Variants in PTPRT observed in about 807,000 individuals in gnomAD.
The protein encoded by PTPRT is receptor-type tyrosine-protein phosphatase T.
In PTPRT, 56 loss-of-function variants were observed where a neutral mutation model predicts 176.8. The ratio of observed to expected loss-of-function variants is 0.32; its 90% confidence interval spans 0.26 to 0.40. The LOEUF (loss-of-function observed/expected upper bound fraction) is 0.40, where lower values mean the gene tolerates loss of function less well. Among genes scored for constraint, PTPRT ranks in the 10% least tolerant of loss-of-function variants. PTPRT has a pLI of 1.00. For synonymous variants in PTPRT, 783 were observed against 739.0 expected (o/e 1.06, Z -0.96); for missense variants, 1,540 against 1,908.2 (o/e 0.81, Z 3.60).
At position 42,581,189 on chromosome 20, in the gene PTPRT, G is replaced by A. The variant is rs138947893; in HGVS notation, c.1153+96677C>T. Among the ~76,000 whole-genome samples the A allele has an allele frequency of 2.3e-3, 347 of 152,080 alleles. 2 individuals are homozygous for A. The highest frequency in any genetic ancestry group is 0.017 in the Middle Eastern group (5 of 294). On this transcript the variant is annotated intron_variant, in intron 7 of 30. Coordinates refer to ENST00000373187, the MANE Select transcript of PTPRT (RefSeq NM_007050.6). ...TCTTCCTCCACCCTTCATGATCCAC[G>A]CGACTAAATCTCTCTCATCTCTTTC...
At chr20:42,953,484 T>C (rs530214728) in intron 1 of PTPRT, among the ~76,000 whole-genome samples, 3 of 152,344 alleles carry the variant, frequency 2.0e-5, no homozygotes, top group Admixed American at 1.3e-4. Context: ...TAGGTGAGTC[T>C]GTAGTTAAGC....
intron 1 of PTPRT, among the ~76,000 whole-genome samples, chr20:43,109,513 AT>A (rs1367771004): frequency 6.6e-6 from 1 of 151,824 alleles, no homozygotes; most frequent in African/African-American, 2.4e-5. Flanking sequence ...CTCAGTATAC[AT>A]TTTTTTCATT....
At chr20:42,101,924 A>G (rs1166071711) in intron 26 of PTPRT, among the ~76,000 whole-genome samples, 200 bp downstream of exon 26, 1 of 152,182 alleles carries the variant, frequency 6.6e-6, no homozygotes, top group East Asian at 1.9e-4. Context: ...TCTTTGTATG[A>G]GAAAAGGAGC....
intron 7 of PTPRT, among the ~76,000 whole-genome samples, chr20:42,656,083 AT>A (rs1316779774): frequency 2.6e-5 from 4 of 152,162 alleles, no homozygotes; most frequent in Non-Finnish European, 5.9e-5. Context: ...TAGAGCTTTT[AT>A]TTTAAAAATA....
chr20:42,281,438 A>C (rs1297301489), intron 13 of PTPRT, among the ~76,000 whole-genome samples: 1 of 152,022 alleles, frequency 6.6e-6, no homozygotes, highest in Non-Finnish European at 1.5e-5. Context: ...GATTTTCTTC[A>C]AAGTTATAAA....
the PTPRT span, among the ~76,000 whole-genome samples, chr20:42,036,680 T>C: frequency 6.6e-6 from 1 of 151,986 alleles, no homozygotes; most frequent in South Asian, 2.1e-4. Flanking sequence ...TGAGTAAAAA[T>C]TTAAAGGGAA....
chr20:43,025,267 A>T (rs924984002), intron 1 of PTPRT, among the ~76,000 whole-genome samples: 2 of 152,248 alleles, frequency 1.3e-5, no homozygotes, highest in Non-Finnish European at 2.9e-5. Context: ...GTATGCACAA[A>T]CACATACACA....
At chr20:42,556,156 C>T (rs1461164660) in intron 7 of PTPRT, among the ~76,000 whole-genome samples, 1 of 152,154 alleles carries the variant, frequency 6.6e-6, no homozygotes, top group Non-Finnish European at 1.5e-5. Context: ...ACTTGCCTAG[C>T]TCAGATCACA....
chr20:42,761,577 AT>A (rs2076916838), intron 5 of PTPRT, among the ~76,000 whole-genome samples: 1 of 152,238 alleles, frequency 6.6e-6, no homozygotes, highest in Non-Finnish European at 1.5e-5. Flanking sequence ...CCAATGTCTG[AT>A]AAAGTGTGAG....
intron 13 of PTPRT, among the ~76,000 whole-genome samples, chr20:42,278,965 T>C (rs767017964): frequency 6.6e-6 from 1 of 152,174 alleles, no homozygotes; most frequent in South Asian, 2.1e-4. Context: ...TGGTTCTAAA[T>C]GATTCCCCTG....
intron 2 of PTPRT, among the ~76,000 whole-genome samples, chr20:42,847,789 G>A (rs1212326551): frequency 1.3e-5 from 2 of 152,166 alleles, no homozygotes; most frequent in Non-Finnish European, 2.9e-5. Flanking sequence ...ATCAATGACA[G>A]GGCAAGAGGC....
At chr20:42,664,407 A>G (rs1947624791) in intron 7 of PTPRT, among the ~76,000 whole-genome samples, 1 of 152,212 alleles carries the variant, frequency 6.6e-6, no homozygotes, top group Non-Finnish European at 1.5e-5. Flanking sequence ...TGTGTAAACC[A>G]TGACCTCAAT....
chr20:42,568,499 A>C (rs1011915535), intron 7 of PTPRT, among the ~76,000 whole-genome samples: 4 of 152,236 alleles, frequency 2.6e-5, no homozygotes, highest in African/African-American at 9.6e-5. Flanking sequence ...GCTTCTTTTC[A>C]AAACAGCATC....
chr20:42,295,785 C>T (rs1196967595), intron 12 of PTPRT, among the ~76,000 whole-genome samples: 1 of 152,090 alleles, frequency 6.6e-6, no homozygotes, highest in Non-Finnish European at 1.5e-5. Context: ...GGGGAGGGAC[C>T]TTGTGGGAGG....
the PTPRT span, among the ~76,000 whole-genome samples, chr20:42,037,244 C>G: frequency 6.6e-6 from 1 of 152,176 alleles, no homozygotes; most frequent in African/African-American, 2.4e-5. Flanking sequence ...TGCTGTGTGG[C>G]AGTGAGGGTT....
At chr20:42,320,825 G>A (rs371491043) in intron 11 of PTPRT, among the ~76,000 whole-genome samples, 1 of 152,148 alleles carries the variant, frequency 6.6e-6, no homozygotes, top group African/African-American at 2.4e-5. Context: ...GGCTATGTCT[G>A]CACCAGAGAG....
At chr20:42,345,673 C>T (rs1314633027) in intron 11 of PTPRT, among the ~76,000 whole-genome samples, 3 of 149,002 alleles carry the variant, frequency 2.0e-5, no homozygotes, top group South Asian at 2.1e-4. Context: ...TCAGTAGTAC[C>T]AAGCCTTCAG....
intron 13 of PTPRT, among the ~76,000 whole-genome samples, chr20:42,258,026 C>T (rs1201130404): frequency 6.6e-6 from 1 of 152,106 alleles, no homozygotes; most frequent in Middle Eastern, 3.2e-3. Context: ...ACTCTGTCAC[C>T]TCTCTAATAA....
chr20:42,668,858 A>ATTTTTTTTTTTTTTTTTT (rs755121515), intron 7 of PTPRT, among the ~76,000 whole-genome samples: 4 of 81,290 alleles, frequency 4.9e-5, no homozygotes, highest in African/African-American at 9.3e-5. Flanking sequence ...CGCCCAGCTA[A>ATTTTTTTTTTTTTTTTTT]TTTTTTTTTT....
Sources: allele counts gnomAD v4.1 joint callset (sites outside exome capture counted in the v4.1 genomes callset), GRCh38; gene constraint gnomAD v4.1.1; transcripts MANE v1.5; gene names NCBI Gene and HGNC (gene_info 2026-07-23, HGNC 2026-07-21).